The following OPCML variants were observed in gnomAD, a reference collection of about 807,000 sequenced individuals.
OPCML encodes the protein opioid binding protein/cell adhesion molecule like, also known as opioid-binding protein/cell adhesion molecule.
Under a neutral mutation model 37.8 loss-of-function variants are expected in OPCML, and 13 were observed. The ratio of observed to expected loss-of-function variants is 0.34; its 90% CI spans 0.22 to 0.55. OPCML has a LOEUF of 0.55. OPCML is among the 20% of genes least tolerant of loss of function. OPCML has a pLI of 0.91. For synonymous variants in OPCML, 176 were observed against 168.8 expected (o/e 1.04, Z -0.33); for missense variants, 341 against 435.6 (o/e 0.78, Z 1.93).
At chr11:132,546,728 T>C (rs2096369515) in intron 3 of OPCML, among the ~76,000 whole-genome samples, 1 of 152,220 alleles carries the variant, frequency 6.6e-6, no homozygotes, top group East Asian at 1.9e-4. Flanking sequence ...CATAGGCATA[T>C]AATTAGTACC....
At chr11:132,640,907 C>T (rs997577587) in intron 3 of OPCML, among the ~76,000 whole-genome samples, 1 of 152,186 alleles carries the variant, frequency 6.6e-6, no homozygotes, top group African/African-American at 2.4e-5. Context: ...CATCAGGGCA[C>T]ACTGCACCTC....
At chr11:132,649,437 G>T (rs1401516477) in intron 3 of OPCML, among the ~76,000 whole-genome samples, 1 of 152,186 alleles carries the variant, frequency 6.6e-6, no homozygotes, top group East Asian at 1.9e-4. Context: ...TAGTCTGAGA[G>T]CCGGGATAGG....
intron 1 of OPCML, among the ~76,000 whole-genome samples, chr11:133,280,492 C>T (rs1942114750): frequency 6.6e-6 from 1 of 152,216 alleles, no homozygotes; most frequent in Non-Finnish European, 1.5e-5. Flanking sequence ...GGGACACCTA[C>T]TCTGCCCTCC....
intron 1 of OPCML, among the ~76,000 whole-genome samples, chr11:133,349,268 G>A (rs1307678723): frequency 6.6e-6 from 1 of 152,160 alleles, no homozygotes; most frequent in Non-Finnish European, 1.5e-5. Context: ...TCTGTACATT[G>A]TGCTATAAAT....
intron 1 of OPCML, among the ~76,000 whole-genome samples, chr11:133,473,837 C>T (rs118091643): frequency 3.9e-5 from 6 of 152,178 alleles, no homozygotes; most frequent in East Asian, 3.9e-4. Context: ...TACTAATAAC[C>T]GGAAAAAGAA....
chr11:132,781,939 T>TAC (rs1947036742), intron 2 of OPCML, among the ~76,000 whole-genome samples: 1 of 54,880 alleles, frequency 1.8e-5, no homozygotes, highest in African/African-American at 7.9e-5. Flanking sequence ...TATATATACA[T>TAC]ATATATATAT....
chr11:132,456,326 A>G (rs1011034381), intron 4 of OPCML, among the ~76,000 whole-genome samples: 3 of 152,238 alleles, frequency 2.0e-5, no homozygotes, highest in Non-Finnish European at 2.9e-5. Flanking sequence ...AGACCTTGAG[A>G]ATTAAATAGC....
chr11:132,780,139 C>T (rs1565857949), intron 2 of OPCML, among the ~76,000 whole-genome samples: 1 of 152,212 alleles, frequency 6.6e-6, no homozygotes, highest in African/African-American at 2.4e-5. Context: ...CTTACACAAA[C>T]ACCATGGAGC....
chr11:133,185,100 G>T (rs904269004), intron 1 of OPCML, among the ~76,000 whole-genome samples: 20 of 152,130 alleles, frequency 1.3e-4, no homozygotes, highest in Non-Finnish European at 1.8e-4. Context: ...GCACAGAGAA[G>T]CCAAATATAA....
chr11:132,905,225 CTTTTTTTT>C (rs373679886), intron 2 of OPCML, among the ~76,000 whole-genome samples: 7 of 88,394 alleles, frequency 7.9e-5, no homozygotes, highest in Admixed American at 7.2e-4. Flanking sequence ...GAAAGCAGTT[CTTTTTTTT>C]TTTTTTTTTT....
At chr11:132,617,355 C>A (rs887487467) in intron 3 of OPCML, among the ~76,000 whole-genome samples, 1 of 152,128 alleles carries the variant, frequency 6.6e-6, no homozygotes, top group African/African-American at 2.4e-5. Context: ...ATAATAGGGC[C>A]AGGGAGAGTC....
chr11:132,499,302 C>T (rs1197746900), intron 4 of OPCML, among the ~76,000 whole-genome samples: 1 of 152,158 alleles, frequency 6.6e-6, no homozygotes, highest in Non-Finnish European at 1.5e-5. Context: ...ACATGAGGGG[C>T]CAAGAGCAGC....
intron 2 of OPCML, among the ~76,000 whole-genome samples, chr11:132,837,337 A>G (rs1941071650): frequency 6.6e-6 from 1 of 152,056 alleles, no homozygotes; most frequent in South Asian, 2.1e-4. Context: ...CAAACAAACA[A>G]ACAAACAAAC....
intron 3 of OPCML, among the ~76,000 whole-genome samples, chr11:132,589,524 G>T (rs2096480694): frequency 6.6e-6 from 1 of 152,198 alleles, no homozygotes; most frequent in African/African-American, 2.4e-5. Context: ...TGCTACAATG[G>T]AAAGTAACAT....
At chr11:132,935,105 C>T (rs1340882545) in intron 2 of OPCML, among the ~76,000 whole-genome samples, 1 of 150,652 alleles carries the variant, frequency 6.6e-6, no homozygotes, top group Non-Finnish European at 1.5e-5. Flanking sequence ...CACCATTGCA[C>T]TCCAGCCTGG....
Position 133,321,914 on chromosome 11 carries a change from G to A in OPCML, c.61+210350C>T, listed in dbSNP as rs138810422. The stretch of plus-strand genomic sequence containing the variant: ...TTTGACTGCAAACCTCAAGCAGGAT[G>A]GCATTTGAAAAGCATATAATATCCG... On this transcript the variant is annotated intron_variant, in intron 1 of 7. Transcript: ENST00000524381. Among the ~76,000 whole-genome samples, 644 of 152,124 alleles carry A rather than the reference G, an allele frequency of 4.2e-3. 4 individuals are homozygous for A. Among genetic ancestry groups the A allele is most frequent in the African/African-American group, 0.015 (611 of 41,530 alleles).
At chr11:132,429,106 A>T (rs1346473680) in intron 7 of OPCML, among the ~76,000 whole-genome samples, 1 of 152,042 alleles carries the variant, frequency 6.6e-6, no homozygotes, top group East Asian at 1.9e-4. Context: ...GTGTAACGGG[A>T]TCTGGGACAC....
chr11:133,072,436 G>A (rs1039272869), intron 1 of OPCML, among the ~76,000 whole-genome samples: 6 of 152,272 alleles, frequency 3.9e-5, no homozygotes, highest in African/African-American at 1.4e-4. Context: ...AAAGCAGTTA[G>A]AAAGAGAAAA....
At chr11:133,219,450 A>G (rs1245888266) in intron 1 of OPCML, among the ~76,000 whole-genome samples, 1 of 152,228 alleles carries the variant, frequency 6.6e-6, no homozygotes, top group Non-Finnish European at 1.5e-5. Context: ...TGCCTAATCT[A>G]GTTAATAAAA....
Sources: gnomAD v4.1 joint callset for allele counts (sites outside exome capture counted in the v4.1 genomes callset) on GRCh38, gnomAD v4.1.1 for gene constraint, MANE v1.5 for transcripts, NCBI Gene and HGNC (gene_info 2026-07-23, HGNC 2026-07-21) for gene names.